Variants in FAM200C observed in about 807,000 individuals in gnomAD.
At chr5:160,394,032 C>CGATA in the FAM200C span, 1 of 1,611,804 alleles carries the variant, frequency 6.2e-7, no homozygotes, top group East Asian at 2.2e-5. Flanking sequence ...AAATAACTAT[C>CGATA]ATCAACAAAA....
the FAM200C span, chr5:160,393,667 T>C: frequency 7.6e-7 from 1 of 1,318,146 alleles, no homozygotes; most frequent in South Asian, 1.3e-5. Flanking sequence ...TTTACAATGA[T>C]ATTAAGATTG....
chr5:160,396,472 C>T, the FAM200C span, among the ~76,000 whole-genome samples: 3 of 151,962 alleles, frequency 2.0e-5, no homozygotes, highest in African/African-American at 4.8e-5. Context: ...GCAAAATGGT[C>T]GGGCGTGGTA....
the FAM200C span, chr5:160,395,086 CT>C: frequency 1.2e-6 from 2 of 1,613,988 alleles, no homozygotes. Flanking sequence ...CCTGCTGAAG[CT>C]TTTTTTGTGC....
chr5:160,394,665 G>A, the FAM200C span: 7 of 1,614,110 alleles, frequency 4.3e-6, no homozygotes, highest in African/African-American at 2.7e-5. Context: ...ACAAGTGCAT[G>A]AGGATTCAAT....
the FAM200C span, chr5:160,393,588 GTTC>G: frequency 3.6e-5 from 28 of 788,106 alleles, 1 homozygote; most frequent in South Asian, 2.8e-4. Flanking sequence ...CAAAATTAAA[GTTC>G]TTAAGTTTTT....
chr5:160,394,430 A>G, the FAM200C span: 1 of 1,613,810 alleles, frequency 6.2e-7, no homozygotes, highest in East Asian at 2.2e-5. Flanking sequence ...CTTGTGGTGA[A>G]GAAACTGATT....
the FAM200C span, among the ~76,000 whole-genome samples, chr5:160,395,935 T>G: frequency 6.6e-6 from 1 of 152,168 alleles, no homozygotes; most frequent in East Asian, 1.9e-4. Flanking sequence ...ATACCCTCAG[T>G]TAAGAATCAC....
chr5:160,393,777 T>C, the FAM200C span: 24 of 1,570,352 alleles, frequency 1.5e-5, no homozygotes, highest in Non-Finnish European at 1.9e-5. Flanking sequence ...TTTTTTGAAA[T>C]AGCCACACGG....
chr5:160,394,804 C>G, the FAM200C span: 1 of 1,613,920 alleles, frequency 6.2e-7, no homozygotes. Context: ...CTATCTTATG[C>G]TTCAGAAAGA....
At chr5:160,393,738 G>T in the FAM200C span, 1 of 1,552,350 alleles carries the variant, frequency 6.4e-7, no homozygotes, top group Non-Finnish European at 8.7e-7. Context: ...TGTAGCTTTT[G>T]TTCAATGATG....
At chr5:160,399,349 G>A in the FAM200C span, among the ~76,000 whole-genome samples, 1 of 152,172 alleles carries the variant, frequency 6.6e-6, no homozygotes, top group Admixed American at 6.5e-5. Context: ...ATATATTCCA[G>A]CAGTGAAAAC....
At chr5:160,395,029 G>C in the FAM200C span, 1 of 1,613,786 alleles carries the variant, frequency 6.2e-7, no homozygotes, top group Non-Finnish European at 8.5e-7. Flanking sequence ...AGATATCCTG[G>C]CTCATTTCAT....
the FAM200C span, chr5:160,395,469 C>A: frequency 6.2e-7 from 1 of 1,613,900 alleles, no homozygotes; most frequent in Non-Finnish European, 8.5e-7. Flanking sequence ...TAGTCATCAT[C>A]CCATTTGCGT....
the FAM200C span, chr5:160,394,670 T>C: frequency 1.2e-6 from 2 of 1,614,140 alleles, no homozygotes; most frequent in South Asian, 2.2e-5. Context: ...TGCATGAGGA[T>C]TCAATAAACA....
At chr5:160,394,061 G>T in the FAM200C span, 2 of 1,611,160 alleles carry the variant, frequency 1.2e-6, no homozygotes, top group Non-Finnish European at 1.7e-6. Context: ...AAAAAGAAAT[G>T]GATCCAATAT....
chr5:160,399,464 C>T, the FAM200C span, among the ~76,000 whole-genome samples: 1 of 152,192 alleles, frequency 6.6e-6, no homozygotes, highest in Non-Finnish European at 1.5e-5. Context: ...TCTGGGGAGG[C>T]AGAGCATTTA....
chr5:160,394,307 C>T, the FAM200C span: 3 of 1,613,408 alleles, frequency 1.9e-6, no homozygotes, highest in Middle Eastern at 1.7e-4. Flanking sequence ...TGTGTTCATC[C>T]CAGTCCTCTG....
the FAM200C span, chr5:160,394,840 T>C: frequency 4.3e-6 from 7 of 1,613,640 alleles, no homozygotes; most frequent in Admixed American, 5.0e-5. Flanking sequence ...TGAACACATC[T>C]ATTCCTTTCA....
the FAM200C span, chr5:160,395,486 G>A: frequency 2.3e-5 from 37 of 1,613,030 alleles, no homozygotes; most frequent in Admixed American, 1.0e-4. Flanking sequence ...GCGTTTCTTC[G>A]ACATGGCACA....
Sources: allele counts gnomAD v4.1 joint callset (sites outside exome capture counted in the v4.1 genomes callset), GRCh38; gene constraint gnomAD v4.1.1; transcripts MANE v1.5.